The following SPTBN1 variants were observed in gnomAD, a reference collection of about 807,000 sequenced individuals.
SPTBN1 encodes the protein spectrin beta chain, non-erythrocytic 1.
Under a neutral mutation model 266.4 loss-of-function variants are expected in SPTBN1, and 32 were observed. The ratio of observed to expected loss-of-function variants is 0.12; its 90% CI spans 0.09 to 0.16. SPTBN1 has a LOEUF of 0.16. Ranked by LOEUF, SPTBN1 falls within the 10% of genes least tolerant of loss-of-function variation. The pLI is 1.00. For synonymous variants in SPTBN1, 1,336 were observed against 1,162.2 expected (o/e 1.15, Z -3.04); for missense variants, 2,296 against 3,067.1 (o/e 0.75, Z 5.94).
chr2:54,549,153 G>T (rs1456404681), intron 2 of SPTBN1, among the ~76,000 whole-genome samples: 2 of 152,090 alleles, frequency 1.3e-5, no homozygotes, highest in African/African-American at 4.8e-5. Flanking sequence ...AGCTGGTGTG[G>T]TGGTGCGCGC....
At chr2:54,486,639 A>G (rs1276449927) in intron 1 of SPTBN1, among the ~76,000 whole-genome samples, 1 of 152,046 alleles carries the variant, frequency 6.6e-6, no homozygotes, top group Non-Finnish European at 1.5e-5. Flanking sequence ...TCACTTGTTT[A>G]TCTGCTGACC....
Position 54,465,666 on chromosome 2 carries a change from A to ATATATATC in SPTBN1, c.-48+9151_-48+9152insATATCTAT, listed in dbSNP as rs1408352073. 4.4e-5 allele frequency among the ~76,000 whole-genome samples: 6 copies of ATATATATC among 137,796 alleles called. No homozygotes were observed. The East Asian group carries it at 8.6e-4, about 20-fold the overall frequency. 90.4% of individuals were successfully genotyped at this position (137,796 alleles called of 152,430 possible). The stretch of plus-strand genomic sequence containing the variant: ...TATATATATATATATATATATATAT[A>ATATATATC]TATCTCACACATGGGAGAGAGAGGT... On this transcript the variant is annotated intron_variant, in intron 1 of 35. Transcript: ENST00000356805.
chr2:54,635,841 A>G (rs962974014), intron 17 of SPTBN1, among the ~76,000 whole-genome samples: 1 of 152,260 alleles, frequency 6.6e-6, no homozygotes, highest in African/African-American at 2.4e-5. Flanking sequence ...CTAGAAATAG[A>G]ACTGGAATTT....
intron 4 of SPTBN1, among the ~76,000 whole-genome samples, chr2:54,614,623 C>T (rs529753960): frequency 3.9e-5 from 6 of 151,972 alleles, no homozygotes; most frequent in Admixed American, 2.0e-4. Context: ...GCCAACATGA[C>T]GATACCCTGC....
At position 54,626,290 on chromosome 2, in the gene SPTBN1, T is replaced by C. The variant is rs1678321816; in HGVS notation, c.1644+56T>C. 2 of 1,549,876 alleles carry C rather than the reference T, an allele frequency of 1.3e-6. No individual in the cohort carries two copies. The highest frequency in any genetic ancestry group is 1.7e-6 in the Non-Finnish European group (2 of 1,146,184). Reference sequence around the variant, plus strand: ...AGCTGATCCAACCAGGGCTCTCTTTTCTGTGACTCATTCACTAAACCCCTA... The same window carrying C: ...AGCTGATCCAACCAGGGCTCTCTTTCCTGTGACTCATTCACTAAACCCCTA... On this transcript the variant is annotated intron_variant, in intron 12 of 35. Coordinates refer to ENST00000356805, the MANE Select transcript of SPTBN1 (RefSeq NM_003128.3). The surrounding 1 kb of genome is among the most constrained non-coding windows in gnomAD (Gnocchi z 4.7).
intron 1 of SPTBN1, among the ~76,000 whole-genome samples, chr2:54,459,491 ACTACTGCT>A (rs1693244798): frequency 6.6e-6 from 1 of 152,196 alleles, no homozygotes; most frequent in South Asian, 2.1e-4. Context: ...GAAGGATTTT[ACTACTGCT>A]AACATAGACA....
At position 54,529,649 on chromosome 2, in the gene SPTBN1, G is replaced by T. The variant is rs1324345662; in HGVS notation, c.148+3083G>T. 3 of 717,700 alleles carry T rather than the reference G, an allele frequency of 4.2e-6. No homozygotes were observed. In the Admixed American group the frequency reaches 5.3e-5, roughly 13 times the overall value. The allele number at this position is 717,700 out of a possible 1,614,324, so 44.5% of individuals were successfully genotyped here. A position where few individuals can be genotyped will look rare whatever the true frequency, so the allele number is the denominator to read the frequency against. ...CAACACCCTTGTGTTCACTGTGGAT[G>T]TTAAAGCCAACAAGCACCAGATCAA... is the stretch of plus-strand genomic sequence containing the variant. On this transcript the variant is annotated intron_variant, in intron 2 of 35. Coordinates refer to ENST00000356805, the MANE Select transcript of SPTBN1 (RefSeq NM_003128.3).
Position 54,661,607 on chromosome 2 carries a change from C to A in SPTBN1, c.6420+1608C>A, listed in dbSNP as rs528642136. 30 of 985,838 alleles carry A rather than the reference C, an allele frequency of 3.0e-5. No homozygotes were observed. In the South Asian group the frequency reaches 1.1e-3, roughly 36 times the overall value. The allele number at this position is 985,838 out of a possible 1,614,324, so 61.1% of individuals were successfully genotyped here. A position where few individuals can be genotyped will look rare whatever the true frequency, so the allele number is the denominator to read the frequency against. On this transcript the variant is annotated intron_variant, in intron 32 of 35. Transcript: ENST00000356805. The stretch of plus-strand genomic sequence containing the variant: ...ATTATTGGGTCTCTGCCTTAAAACA[C>A]ATCAAAATTCATTTTAGACAAAAAA...
intron 1 of SPTBN1, among the ~76,000 whole-genome samples, chr2:54,517,887 G>A (rs1002950103): frequency 3.3e-5 from 5 of 150,630 alleles, no homozygotes; most frequent in African/African-American, 9.8e-5. Flanking sequence ...CTCATGATCC[G>A]CCCGCCTCAG....
At position 54,613,358 on chromosome 2, in the gene SPTBN1, G is replaced by A. The variant is rs1229876468; in HGVS notation, c.474+1024G>A. The stretch of plus-strand genomic sequence containing the variant: ...AAAACCTCACACAAAAAGGAAAAAC[G>A]AAAAATCAAATTATAACTTGCTTTG... On this transcript the variant is annotated intron_variant, in intron 4 of 35. Transcript: ENST00000356805. 1.2e-3 allele frequency among the ~76,000 whole-genome samples: 185 copies of A among 152,096 alleles called. 1 individual carries two copies. Among genetic ancestry groups the A allele is most frequent in the Non-Finnish European group, 2.6e-4 (18 of 68,008 alleles).
In SPTBN1 at chr2:54,655,126, T is replaced by C; in HGVS notation, c.5879T>C (p.Ile1960Thr). 1 of 1,614,196 alleles carries C rather than the reference T, an allele frequency of 6.2e-7. No homozygotes were observed. The highest frequency in any genetic ancestry group is 8.5e-7 in the Non-Finnish European group (1 of 1,180,024). Reference protein sequence around the residue: ...MNNHQGIKAEIDARNDSFTTC... With the variant: ...MNNHQGIKAETDARNDSFTTC... Reference sequence around the variant, plus strand: ...AATCATCAAGGCATCAAAGCTGAAATTGATGCACGTAATGACAGTTTCACA... The same window carrying C: ...AATCATCAAGGCATCAAAGCTGAAACTGATGCACGTAATGACAGTTTCACA... The change falls in exon 28 of 36, where the codon ATT (isoleucine) becomes ACT (threonine). Residue 1960 changes from isoleucine to threonine, a missense_variant. Around this residue, in one of 12 missense-constraint regions of SPTBN1, gnomAD observed 644 missense variants for 745.3 expected, o/e 0.86. Coordinates refer to ENST00000356805, the MANE Select transcript of SPTBN1 (RefSeq NM_003128.3).
chr2:54,664,759 C>A lies in SPTBN1; in HGVS notation c.6659+68C>A. 2 of 1,485,674 alleles carry A rather than the reference C, an allele frequency of 1.3e-6. No individual in the cohort carries two copies. The highest frequency in any genetic ancestry group is 1.2e-5 in the South Asian group (1 of 84,784). 92.0% of individuals were successfully genotyped at this position (1,485,674 alleles called of 1,614,324 possible). On this transcript the variant is annotated intron_variant, in intron 33 of 35. Transcript: ENST00000356805. The surrounding 1 kb of genome is among the most constrained non-coding windows in gnomAD (Gnocchi z 5.6). ...CTGTGAAGGGATAAGGCGGGCCACT[C>A]TTGAATTGGAAGAGAAGTATGTGCT...
chr2:54,570,151 T>A (rs1253788414), intron 2 of SPTBN1, among the ~76,000 whole-genome samples: 1 of 152,170 alleles, frequency 6.6e-6, no homozygotes, highest in Non-Finnish European at 1.5e-5. Context: ...CAGAGAGCGC[T>A]CCTGTAGCCA....
chr2:54,525,851 C>T (rs1670779396), intron 1 of SPTBN1, among the ~76,000 whole-genome samples: 1 of 152,202 alleles, frequency 6.6e-6, no homozygotes, highest in Admixed American at 6.5e-5. Flanking sequence ...CCTGCCTCAG[C>T]CACCCAAGTA....
intron 8 of SPTBN1, among the ~76,000 whole-genome samples, chr2:54,621,817 AC>A (rs1358937286): frequency 6.6e-6 from 1 of 152,142 alleles, no homozygotes; most frequent in East Asian, 1.9e-4. Context: ...CATCCTACTT[AC>A]CACAGTTGAA....
intron 1 of SPTBN1, among the ~76,000 whole-genome samples, chr2:54,460,034 G>C (rs1693279661): frequency 6.6e-6 from 1 of 152,186 alleles, no homozygotes; most frequent in South Asian, 2.1e-4. Flanking sequence ...CTCTGGAGAA[G>C]GCATTTTCAT....
chr2:54,636,887 A>T (rs1167501898), intron 17 of SPTBN1, among the ~76,000 whole-genome samples: 1 of 152,232 alleles, frequency 6.6e-6, no homozygotes, highest in African/African-American at 2.4e-5. Context: ...CCTATTGGAA[A>T]TGAAGCTCTC....
At chr2:54,584,492 T>A (rs186201139) in intron 2 of SPTBN1, among the ~76,000 whole-genome samples, 250 of 152,210 alleles carry the variant, frequency 1.6e-3, no homozygotes, top group Non-Finnish European at 3.1e-3. Context: ...CACATGTGAG[T>A]GTCCTAGTTT....
chr2:54,526,613 G>C, intron 2 of SPTBN1, 47 bp downstream of exon 2: 2 of 1,582,102 alleles, frequency 1.3e-6, no homozygotes, highest in East Asian at 4.5e-5. Flanking sequence ...CCTAAAATCA[G>C]GATGCCCCTT....
Sources: allele counts gnomAD v4.1 joint callset (sites outside exome capture counted in the v4.1 genomes callset), GRCh38; gene constraint gnomAD v4.1.1; regional missense constraint gnomAD v4.1.1; non-coding constraint Gnocchi (gnomAD v3.1); transcripts MANE v1.5; gene names NCBI Gene and HGNC (gene_info 2026-07-23, HGNC 2026-07-21).